Variants in RBFOX1 observed in about 807,000 individuals in gnomAD.
RBFOX1 encodes RNA binding protein fox-1 homolog 1.
RBFOX1 carries 8 observed loss-of-function variants against 57.7 expected under a neutral mutation model. That is an observed-to-expected ratio of 0.14 (90% confidence interval 0.08 to 0.25). The LOEUF is 0.25. RBFOX1 is among the 10% of genes least tolerant of loss of function. RBFOX1 has a pLI of 1.00. For missense variants in RBFOX1, 611 were observed against 548.5 expected (o/e 1.11, Z -1.14); for synonymous variants, 326 against 222.4 (o/e 1.47, Z -4.15).
intron 5 of RBFOX1, among the ~76,000 whole-genome samples, chr16:7,579,254 T>C (rs183885831): frequency 6.6e-6 from 1 of 152,340 alleles, no homozygotes; most frequent in Admixed American, 6.5e-5. Context: ...AACTAGTCTT[T>C]TCACATTTTT....
chr16:6,221,650 G>T (rs758103780), intron 1 of RBFOX1, among the ~76,000 whole-genome samples: 1 of 152,174 alleles, frequency 6.6e-6, no homozygotes, highest in Non-Finnish European at 1.5e-5. Flanking sequence ...AAGGAAAGAG[G>T]TTTCACTGAC....
intron 4 of RBFOX1, among the ~76,000 whole-genome samples, chr16:7,176,115 A>T (rs556678448): frequency 3.4e-4 from 52 of 151,522 alleles, no homozygotes; most frequent in Non-Finnish European, 6.6e-4. Flanking sequence ...CTTTTAATCA[A>T]ATTTTTTTTA....
intron 2 of RBFOX1, among the ~76,000 whole-genome samples, chr16:6,618,314 C>G (rs571341371): frequency 1.3e-5 from 2 of 152,170 alleles, no homozygotes; most frequent in Non-Finnish European, 2.9e-5. Context: ...ATTGACTGAA[C>G]ACTTACTTAA....
intron 1 of RBFOX1, among the ~76,000 whole-genome samples, chr16:5,354,582 C>T (rs2151323264): frequency 6.6e-6 from 1 of 152,338 alleles, no homozygotes; most frequent in South Asian, 2.1e-4. Context: ...TAGGATTTTT[C>T]TCTTTAATCT....
chr16:7,078,694 T>TA (rs199515093), intron 4 of RBFOX1, among the ~76,000 whole-genome samples: 1,489 of 148,582 alleles, frequency 0.01, 31 homozygotes, highest in African/African-American at 0.034. Flanking sequence ...TTATTTTATT[T>TA]TTTTTTGAGA....
At chr16:5,433,535 G>A (rs1011952230) in intron 1 of RBFOX1, among the ~76,000 whole-genome samples, 1 of 152,192 alleles carries the variant, frequency 6.6e-6, no homozygotes, top group Admixed American at 6.5e-5. Flanking sequence ...TCTTGCAAAT[G>A]GGAGGGAGGC....
chr16:6,970,778 G>A (rs1361357133), intron 3 of RBFOX1, among the ~76,000 whole-genome samples: 1 of 152,162 alleles, frequency 6.6e-6, no homozygotes, highest in Non-Finnish European at 1.5e-5. Flanking sequence ...CCTTTAACCT[G>A]AATTGGGTCT....
At chr16:5,624,340 A>C (rs968871212) in intron 3 of RBFOX1, among the ~76,000 whole-genome samples, 1 of 152,162 alleles carries the variant, frequency 6.6e-6, no homozygotes, top group Admixed American at 6.5e-5. Context: ...GACTACAGGC[A>C]CCTACTACCG....
At chr16:6,175,159 T>G (rs1015807429) in intron 1 of RBFOX1, among the ~76,000 whole-genome samples, 1 of 152,224 alleles carries the variant, frequency 6.6e-6, no homozygotes, top group African/African-American at 2.4e-5. Flanking sequence ...AGTCCGTGAC[T>G]ACAGCTTATA....
intron 4 of RBFOX1, among the ~76,000 whole-genome samples, chr16:5,931,214 C>G (rs1342690431): frequency 6.6e-6 from 1 of 152,130 alleles, no homozygotes; most frequent in Non-Finnish European, 1.5e-5. Flanking sequence ...TCCTATTGCT[C>G]ATGGCCTCAG....
rs371253922 is a variant in RBFOX1, at chr16:6,128,917, A to C, written c.-127+108925A>C. Reference sequence around the variant, plus strand: ...AGGACTAAGTTCCAGTTTCACTAGAATAAGACCATGCCTGTTGACTAAGTT... The same window carrying C: ...AGGACTAAGTTCCAGTTTCACTAGACTAAGACCATGCCTGTTGACTAAGTT... On this transcript the variant is annotated intron_variant, in intron 1 of 15. Coordinates refer to ENST00000550418, the MANE Select transcript of RBFOX1 (RefSeq NM_018723.4). Among the ~76,000 whole-genome samples the C allele has an allele frequency of 5.3e-5, 8 of 152,212 alleles. No homozygotes were observed. In the East Asian group the frequency reaches 1.3e-3, roughly 26 times the overall value.
chr16:5,850,411 T>C (rs1166367101), intron 3 of RBFOX1, among the ~76,000 whole-genome samples: 1 of 152,198 alleles, frequency 6.6e-6, no homozygotes, highest in African/African-American at 2.4e-5. Flanking sequence ...TTTGGAATTA[T>C]TTAGAGGAAG....
At chr16:6,103,712 TG>T (rs2096342820) in intron 1 of RBFOX1, among the ~76,000 whole-genome samples, 4 of 152,104 alleles carry the variant, frequency 2.6e-5, no homozygotes, top group Admixed American at 6.6e-5. Context: ...AGGTCAAGTC[TG>T]GAGTGGACAT....
At chr16:6,967,108 C>T (rs1258604238) in intron 3 of RBFOX1, among the ~76,000 whole-genome samples, 1 of 152,146 alleles carries the variant, frequency 6.6e-6, no homozygotes, top group Middle Eastern at 3.2e-3. Flanking sequence ...TCTATACACT[C>T]ATTCATCCAT....
intron 4 of RBFOX1, among the ~76,000 whole-genome samples, chr16:7,353,976 A>G (rs1192268148): frequency 6.6e-6 from 1 of 151,880 alleles, no homozygotes; most frequent in Non-Finnish European, 1.5e-5. Context: ...ATTTTATTTT[A>G]TTTTATTTTT....
chr16:7,183,578 G>A (rs1451686144), intron 4 of RBFOX1, among the ~76,000 whole-genome samples: 1 of 151,744 alleles, frequency 6.6e-6, no homozygotes, highest in Non-Finnish European at 1.5e-5. Context: ...GCTTGCACAT[G>A]TGTGTATTTT....
rs529630798 is a variant in RBFOX1 at position 6,689,468 on chromosome 16, C to G, written c.-16+34818C>G. On this transcript the variant is annotated intron_variant, in intron 3 of 15. Coordinates refer to ENST00000550418, the MANE Select transcript of RBFOX1 (RefSeq NM_018723.4). ...AATTTCTTCTCATGTGTTTTAAATA[C>G]TCATCTTCTAAGGCTGAGTAAGTGT... is the stretch of plus-strand genomic sequence containing the variant. Among the ~76,000 whole-genome samples, 6 of 152,228 alleles carry G rather than the reference C, an allele frequency of 3.9e-5. No individual in the cohort carries two copies. The East Asian group carries it at 1.2e-3, about 29-fold the overall frequency.
intron 4 of RBFOX1, among the ~76,000 whole-genome samples, chr16:5,981,955 G>A (rs1383653032): frequency 6.6e-6 from 1 of 152,210 alleles, no homozygotes; most frequent in East Asian, 1.9e-4. Flanking sequence ...CAGTCCCAAA[G>A]GTCAGTGGTG....
chr16:7,051,443 C>G (rs1005340405), intron 3 of RBFOX1, among the ~76,000 whole-genome samples: 8 of 152,188 alleles, frequency 5.3e-5, no homozygotes, highest in African/African-American at 1.7e-4. Context: ...ATATGTATTG[C>G]TAATACCCAC....
Sources: allele counts gnomAD v4.1 joint callset (sites outside exome capture counted in the v4.1 genomes callset), GRCh38; gene constraint gnomAD v4.1.1; transcripts MANE v1.5; gene names NCBI Gene and HGNC (gene_info 2026-07-23, HGNC 2026-07-21).